Variants in FAM210A observed in about 807,000 individuals in gnomAD.
FAM210A encodes the protein family with sequence similarity 210 member A.
A neutral mutation model predicts 25.3 loss-of-function variants in FAM210A; 13 were observed. That is an observed-to-expected ratio of 0.51 (90% confidence interval 0.33 to 0.82). The LOEUF (loss-of-function observed/expected upper bound fraction) is 0.82, where lower values mean the gene tolerates loss of function less well. Among genes scored for constraint, FAM210A ranks in the 40% least tolerant of loss-of-function variants. The pLI is 0.02. For synonymous variants in FAM210A, 125 were observed against 118.7 expected, an observed-to-expected ratio of 1.05 and a Z score of -0.35; for missense variants, 319 against 323.2, an observed-to-expected ratio of 0.99 and a Z score of 0.10.
At chr18:13,693,720 A>G (rs2043669105) in intron 1 of FAM210A, among the ~76,000 whole-genome samples, 3 of 152,226 alleles carry the variant, frequency 2.0e-5, no homozygotes, top group African/African-American at 4.8e-5. Context: ...ACTCTCAATG[A>G]ACTAGGTATT....
chr18:13,683,655 T>C (rs557162887), intron 1 of FAM210A, among the ~76,000 whole-genome samples: 4 of 151,726 alleles, frequency 2.6e-5, no homozygotes, highest in East Asian at 1.9e-4. Flanking sequence ...AATGTAATTA[T>C]AGTAGCCATT....
In FAM210A at chr18:13,676,065, T is replaced by C. The variant is rs556796168; in HGVS notation, c.474-4092A>G. Among the ~76,000 whole-genome samples the C allele has an allele frequency of 1.9e-4, 28 of 150,428 alleles. 1 individual carries two copies. The highest frequency in any genetic ancestry group is 4.0e-4 in the Admixed American group (6 of 15,120). On this transcript the variant is annotated intron_variant, in intron 2 of 3. Coordinates refer to ENST00000651643, the MANE Select transcript of FAM210A (RefSeq NM_152352.4). ...CCAGTTTCCTGATTATTAACATTCC[T>C]GAGCCGTGGTGACTTCTTTATTTCC... is the stretch of plus-strand genomic sequence containing the variant.
chr18:13,703,899 T>C (rs2043759373), intron 1 of FAM210A, among the ~76,000 whole-genome samples: 1 of 152,210 alleles, frequency 6.6e-6, no homozygotes, highest in South Asian at 2.1e-4. Flanking sequence ...GGTCAGATAT[T>C]AGGTTTCCTA....
intron 1 of FAM210A, among the ~76,000 whole-genome samples, chr18:13,707,261 A>T (rs922556063): frequency 2.0e-5 from 3 of 152,220 alleles, no homozygotes; most frequent in African/African-American, 7.2e-5. Context: ...GGAATTTTTT[A>T]AATTATAGGA....
chr18:13,719,759 T>C (rs1394015235), intron 1 of FAM210A, among the ~76,000 whole-genome samples: 1 of 152,178 alleles, frequency 6.6e-6, no homozygotes, highest in Non-Finnish European at 1.5e-5. Flanking sequence ...TTTTTTCTGC[T>C]GTACCAAGGC....
chr18:13,714,719 A>G (rs1185082824), intron 1 of FAM210A, among the ~76,000 whole-genome samples: 1 of 152,202 alleles, frequency 6.6e-6, no homozygotes, highest in African/African-American at 2.4e-5. Context: ...TGCTTTCTGT[A>G]TTACATGTAA....
intron 1 of FAM210A, among the ~76,000 whole-genome samples, chr18:13,726,109 C>T (rs759890842): frequency 6.6e-6 from 1 of 152,224 alleles, no homozygotes; most frequent in Non-Finnish European, 1.5e-5. Flanking sequence ...ACTGGCTCGA[C>T]CCGGAAGGGC....
intron 1 of FAM210A, among the ~76,000 whole-genome samples, chr18:13,712,678 C>T (rs762807644): frequency 2.0e-5 from 3 of 152,186 alleles, no homozygotes; most frequent in Non-Finnish European, 4.4e-5. Context: ...CCACACCAAA[C>T]ACCTTTATCT....
Position 13,666,731 on chromosome 18 carries a change from CAG to C in FAM210A, c.586-20_586-19del. ...GTTGCAATCTTAAGCAAAAAGCAAACAGAGGCAAATCAAAACCTGGTTATTAC... is the reference window on the plus strand; with the variant it reads ...GTTGCAATCTTAAGCAAAAAGCAAACAGGCAAATCAAAACCTGGTTATTAC... On this transcript the variant is annotated intron_variant, in intron 3 of 3. Coordinates refer to ENST00000651643, the MANE Select transcript of FAM210A (RefSeq NM_152352.4). The C allele has an allele frequency of 1.3e-6, 2 of 1,599,264 alleles. No individual in the cohort carries two copies. The highest frequency in any genetic ancestry group is 1.7e-4 in the Middle Eastern group (1 of 6,036).
intron 2 of FAM210A, among the ~76,000 whole-genome samples, chr18:13,681,263 C>A (rs2043551090): frequency 6.6e-6 from 1 of 152,168 alleles, no homozygotes; most frequent in African/African-American, 2.4e-5. Context: ...TTAGTCCAGG[C>A]ACCACTTCTT....
intron 3 of FAM210A, among the ~76,000 whole-genome samples, chr18:13,667,315 A>T (rs2043408245): frequency 6.6e-6 from 1 of 152,258 alleles, no homozygotes; most frequent in Admixed American, 6.5e-5. Flanking sequence ...CACCTGCTGC[A>T]GACATGCACA....
intron 1 of FAM210A, among the ~76,000 whole-genome samples, chr18:13,722,845 CTTTCTT>C (rs1476564517): frequency 1.6e-5 from 2 of 127,984 alleles, no homozygotes; most frequent in Non-Finnish European, 1.7e-5. Context: ...CTTTTCTTTC[CTTTCTT>C]TTTTTTTTTT....
At chr18:13,711,911 A>G (rs976325988) in intron 1 of FAM210A, among the ~76,000 whole-genome samples, 3 of 152,214 alleles carry the variant, frequency 2.0e-5, no homozygotes, top group Non-Finnish European at 4.4e-5. Context: ...GTCCAAGACA[A>G]AAAGCTGTAT....
chr18:13,725,851 G>C (rs2043939978), intron 1 of FAM210A, among the ~76,000 whole-genome samples: 1 of 152,202 alleles, frequency 6.6e-6, no homozygotes, highest in Non-Finnish European at 1.5e-5. Flanking sequence ...TATTTGTCAA[G>C]AAGAGGTATA....
At chr18:13,696,453 T>C (rs1396803590) in intron 1 of FAM210A, among the ~76,000 whole-genome samples, 1 of 152,214 alleles carries the variant, frequency 6.6e-6, no homozygotes, top group Admixed American at 6.5e-5. Context: ...CAGAAAATAT[T>C]GTAAAACATT....
At chr18:13,703,306 A>G (rs996293841) in intron 1 of FAM210A, among the ~76,000 whole-genome samples, 89 of 152,342 alleles carry the variant, frequency 5.8e-4, no homozygotes, top group African/African-American at 2.1e-3. Context: ...GGATCAGAGA[A>G]GCATGCTTTG....
intron 1 of FAM210A, among the ~76,000 whole-genome samples, chr18:13,697,839 T>A (rs982200332): frequency 6.6e-6 from 1 of 152,178 alleles, no homozygotes; most frequent in African/African-American, 2.4e-5. Flanking sequence ...AATAAGTGAA[T>A]GGATAAACAA....
At chr18:13,694,821 A>T (rs1403538072) in intron 1 of FAM210A, among the ~76,000 whole-genome samples, 2 of 152,330 alleles carry the variant, frequency 1.3e-5, no homozygotes, top group East Asian at 1.9e-4. Context: ...GGACTTCATC[A>T]CTAAAACACC....
rs953528616 is a variant in FAM210A at position 13,664,835 on chromosome 18, G to A, written c.*1645C>T. On this transcript the variant is annotated 3_prime_UTR_variant, in exon 4 of 4. Coordinates refer to ENST00000651643, the MANE Select transcript of FAM210A (RefSeq NM_152352.4). ...CCTGGCAAAGAGCAGGGGTCCCTGC[G>A]GGACTGTGTGGCAAACCCAGACATT... 6.6e-6 allele frequency: 1 copy of A among 152,156 alleles called. No homozygotes were observed. The highest frequency in any genetic ancestry group is 1.5e-5 in the Non-Finnish European group (1 of 68,026). 9.4% of individuals were successfully genotyped at this position (152,156 alleles called of 1,614,324 possible). A position where few individuals can be genotyped will look rare whatever the true frequency, so the allele number is the denominator to read the frequency against.
Sources: gnomAD v4.1 joint callset for allele counts (sites outside exome capture counted in the v4.1 genomes callset) on GRCh38, gnomAD v4.1.1 for gene constraint, MANE v1.5 for transcripts, NCBI Gene and HGNC (gene_info 2026-07-23, HGNC 2026-07-21) for gene names.